DZANK1: variants seen among roughly 807,000 people sequenced by gnomAD.
The protein encoded by DZANK1 is double zinc ribbon and ankyrin repeat domains 1.
Under a neutral mutation model 94.5 loss-of-function variants are expected in DZANK1, and 91 were observed. The ratio of observed to expected loss-of-function variants is 0.96; its 90% CI spans 0.81 to 1.15. The LOEUF (loss-of-function observed/expected upper bound fraction) is 1.15, where lower values mean the gene tolerates loss of function less well. Among genes scored for constraint, DZANK1 ranks in the 50% most tolerant of loss-of-function variants. The probability of loss-of-function intolerance (pLI) is 0.00; values close to 1 mark genes in which losing one functional copy is unlikely to be tolerated. For missense variants in DZANK1, 903 were observed against 916.4 expected (o/e 0.99, Z 0.19); for synonymous variants, 312 against 325.3 (o/e 0.96, Z 0.44).
chr20:18,423,020 C>G (rs771543525), intron 10 of DZANK1, among the ~76,000 whole-genome samples: 1 of 151,980 alleles, frequency 6.6e-6, no homozygotes, highest in Non-Finnish European at 1.5e-5. Context: ...TAGTCATGCA[C>G]GACATAATGA....
intron 10 of DZANK1, chr20:18,420,989 C>T (rs1338803241): frequency 2.4e-5 from 4 of 168,526 alleles, no homozygotes; most frequent in Non-Finnish European, 5.3e-5. Context: ...TTTTTGTCCA[C>T]ATGAATGCAA....
intron 7 of DZANK1, among the ~76,000 whole-genome samples, chr20:18,444,632 A>T (rs1376841324): frequency 6.6e-6 from 1 of 152,196 alleles, no homozygotes; most frequent in Non-Finnish European, 1.5e-5. Context: ...TCATGCTTAC[A>T]CCAGCCAAAG....
At chr20:18,464,194 C>T (rs1444791426) in intron 2 of DZANK1, among the ~76,000 whole-genome samples, 1 of 152,076 alleles carries the variant, frequency 6.6e-6, no homozygotes, top group Non-Finnish European at 1.5e-5. Flanking sequence ...CTGCCTCAGC[C>T]TCCCGAGTAG....
chr20:18,389,564 TA>T, intron 19 of DZANK1, 136 bp downstream of exon 19: 1 of 1,288,426 alleles, frequency 7.8e-7, no homozygotes, highest in Non-Finnish European at 1.0e-6. Context: ...AGCCTCTTAT[TA>T]AAGCTGAAAT....
rs950175672 is a variant in DZANK1 at position 18,414,040 on chromosome 20, T to A, written c.1242+308A>T. 4.6e-5 allele frequency among the ~76,000 whole-genome samples: 7 copies of A among 152,320 alleles called. No individual in the cohort carries two copies. In the South Asian group the frequency reaches 1.5e-3, roughly 32 times the overall value. On this transcript the variant is annotated intron_variant, in intron 12 of 20. Coordinates refer to ENST00000262547, the Ensembl canonical transcript of DZANK1. ...TATAAATTACAAAAGCAATCTTATA[T>A]ACCCTAAGCTTTCTAAAATATAAAA...
chr20:18,466,513 T>C (rs1021284142), intron 1 of DZANK1, among the ~76,000 whole-genome samples: 3 of 152,206 alleles, frequency 2.0e-5, no homozygotes, highest in Admixed American at 6.5e-5. Flanking sequence ...AGCACAACAA[T>C]AGCTCCTACG....
intron 7 of DZANK1, among the ~76,000 whole-genome samples, chr20:18,447,665 A>T (rs562456187): frequency 6.6e-6 from 1 of 152,108 alleles, no homozygotes; most frequent in African/African-American, 2.4e-5. Context: ...GTTTGAAAGG[A>T]CACTTTACCA....
chr20:18,397,160 T>G (rs2056389276), intron 14 of DZANK1, among the ~76,000 whole-genome samples: 1 of 152,208 alleles, frequency 6.6e-6, no homozygotes, highest in Non-Finnish European at 1.5e-5. Flanking sequence ...ATTTATAAAA[T>G]TGGGCAGCGG....
At chr20:18,393,903 AGAGGATAAAAT>A in intron 16 of DZANK1, 92 bp from the exon 17 acceptor site, 1 of 890,440 alleles carries the variant, frequency 1.1e-6, no homozygotes, top group South Asian at 1.6e-5. Flanking sequence ...CTCAAAAGTC[AGAGGATAAAAT>A]GGCTATCATA....
chr20:18,460,139 T>C lies in DZANK1; in HGVS notation c.263+14A>G, dbSNP rs1461505373. 2.1e-6 allele frequency: 3 copies of C among 1,458,538 alleles called. No homozygotes were observed. The highest frequency in any genetic ancestry group is 2.3e-5 in the East Asian group (1 of 42,976). 90.3% of individuals were successfully genotyped at this position (1,458,538 alleles called of 1,614,324 possible). On this transcript the variant is annotated intron_variant, in intron 3 of 20. Coordinates refer to ENST00000262547, the Ensembl canonical transcript of DZANK1. ...ATATCATAAATTAAATTAATCACCATGCTCTTAACTTACTTAGAGACAGCA... is the reference window on the plus strand; with the variant it reads ...ATATCATAAATTAAATTAATCACCACGCTCTTAACTTACTTAGAGACAGCA...
At chr20:18,389,826 T>C in exon 19 of DZANK1, 2 of 1,613,856 alleles carry the variant, frequency 1.2e-6, no homozygotes, top group Non-Finnish European at 1.7e-6. Context: ...TGGGGTCTGC[T>C]CCCTGCAGCA....
intron 8 of DZANK1, among the ~76,000 whole-genome samples, chr20:18,434,404 G>A (rs1215158978): frequency 6.6e-6 from 1 of 151,938 alleles, no homozygotes; most frequent in Non-Finnish European, 1.5e-5. Context: ...AATTAGCTGG[G>A]CGTAGTGGCG....
chr20:18,428,978 A>G (rs867170001), intron 9 of DZANK1, among the ~76,000 whole-genome samples: 1 of 152,318 alleles, frequency 6.6e-6, no homozygotes, highest in South Asian at 2.1e-4. Flanking sequence ...AATGGCAAAG[A>G]ATCACACTCT....
chr20:18,465,172 G>C lies in DZANK1; in HGVS notation c.109+78C>G, dbSNP rs2059601210. 5.2e-6 allele frequency: 5 copies of C among 965,952 alleles called. No individual in the cohort carries two copies. In the East Asian group the frequency reaches 1.4e-4, roughly 27 times the overall value. The allele number at this position is 965,952 out of a possible 1,614,324, so 59.8% of individuals were successfully genotyped here. On this transcript the variant is annotated intron_variant, in intron 2 of 20. Transcript: ENST00000262547. The stretch of plus-strand genomic sequence containing the variant: ...AGCAAAGAGTGAGAAAGCAGGCAAA[G>C]AGATAAACCAGCAACCAGATAACAC...
intron 9 of DZANK1, chr20:18,428,765 G>A (rs1600964557): frequency 1.3e-5 from 2 of 152,218 alleles, no homozygotes; most frequent in South Asian, 4.2e-4. Context: ...AGGTAAAGTG[G>A]ATGATCAAGA....
At chr20:18,384,659 C>A in intron 20 of DZANK1, 95 bp from the exon 21 acceptor site, 1 of 1,359,740 alleles carries the variant, frequency 7.4e-7, no homozygotes, top group East Asian at 2.5e-5. Flanking sequence ...CCAGGCTGGG[C>A]CCCTCCTGGT....
At chr20:18,385,863 G>A (rs2048457986) in intron 19 of DZANK1, among the ~76,000 whole-genome samples, 2 of 152,152 alleles carry the variant, frequency 1.3e-5, no homozygotes, top group Non-Finnish European at 2.9e-5. Context: ...GTCAGACACA[G>A]CATATTTTGC....
chr20:18,408,166 A>T (rs1388280085), intron 13 of DZANK1, among the ~76,000 whole-genome samples: 3 of 152,192 alleles, frequency 2.0e-5, no homozygotes, highest in African/African-American at 7.2e-5. Context: ...AAATATAAAA[A>T]TTAGCCAGGC....
intron 18 of DZANK1, among the ~76,000 whole-genome samples, chr20:18,390,146 T>C (rs1196093279): frequency 6.6e-6 from 1 of 152,240 alleles, no homozygotes; most frequent in Non-Finnish European, 1.5e-5. Flanking sequence ...TCCAGCTTCA[T>C]GCATGTTCCT....
Sources: allele counts gnomAD v4.1 joint callset (sites outside exome capture counted in the v4.1 genomes callset), GRCh38; gene constraint gnomAD v4.1.1; transcripts MANE v1.5; gene names NCBI Gene and HGNC (gene_info 2026-07-23, HGNC 2026-07-21).